TANC2: variants seen among roughly 807,000 people sequenced by gnomAD.
TANC2 encodes the protein protein TANC2.
In TANC2, 26 loss-of-function variants were observed where a neutral mutation model predicts 210.5. The observed-to-expected ratio is 0.12, with a 90% CI of 0.09 to 0.17. TANC2 has a LOEUF of 0.17. Among genes scored for constraint, TANC2 ranks in the 10% least tolerant of loss-of-function variants. TANC2 has a pLI of 1.00. For synonymous variants in TANC2, 931 were observed against 967.1 expected, an observed-to-expected ratio of 0.96 and a Z score of 0.69; for missense variants, 2,129 against 2,608.9, an observed-to-expected ratio of 0.82 and a Z score of 4.01.
At chr17:63,007,770 C>T (rs1568312516) in intron 1 of TANC2, among the ~76,000 whole-genome samples, 2 of 152,074 alleles carry the variant, frequency 1.3e-5, no homozygotes, top group Non-Finnish European at 1.5e-5. Flanking sequence ...TTTTAAAGAA[C>T]AGCCTATCAT....
intron 4 of TANC2, among the ~76,000 whole-genome samples, chr17:63,111,914 C>T (rs1040825120): frequency 1.3e-5 from 2 of 151,866 alleles, no homozygotes; most frequent in African/African-American, 2.4e-5. Flanking sequence ...TTAGTAGAGA[C>T]GGGGTTTCAC....
chr17:63,362,672 C>A (rs368295081), intron 14 of TANC2, among the ~76,000 whole-genome samples: 8 of 152,242 alleles, frequency 5.3e-5, no homozygotes, highest in African/African-American at 1.9e-4. Flanking sequence ...AACAGACATA[C>A]ACCTGGCCGG....
At chr17:63,115,753 C>T (rs2038225613) in intron 4 of TANC2, among the ~76,000 whole-genome samples, 1 of 151,998 alleles carries the variant, frequency 6.6e-6, no homozygotes, top group South Asian at 2.1e-4. Context: ...TAAGCCTTTG[C>T]TTTGTATTTA....
At chr17:62,997,448 T>TG (rs1257391538) in intron 1 of TANC2, among the ~76,000 whole-genome samples, 4 of 152,136 alleles carry the variant, frequency 2.6e-5, no homozygotes. Flanking sequence ...TGCTAGAAAA[T>TG]GGATAGCATT....
At chr17:63,224,841 A>G (rs2042288726) in intron 7 of TANC2, among the ~76,000 whole-genome samples, 2 of 152,182 alleles carry the variant, frequency 1.3e-5, no homozygotes, top group Admixed American at 1.3e-4. Flanking sequence ...CTCCACCACC[A>G]TGAATCTTCT....
At chr17:63,111,628 T>G (rs1387764626) in intron 4 of TANC2, among the ~76,000 whole-genome samples, 1 of 152,222 alleles carries the variant, frequency 6.6e-6, no homozygotes, top group Non-Finnish European at 1.5e-5. Flanking sequence ...TGTATATTTC[T>G]TTTTCAGGCA....
intron 9 of TANC2, among the ~76,000 whole-genome samples, chr17:63,294,122 C>T (rs2044464911): frequency 6.6e-6 from 1 of 152,144 alleles, no homozygotes. Flanking sequence ...CTGCCATAAG[C>T]CTAATTTACA....
At position 63,067,060 on chromosome 17, in the gene TANC2, AG is replaced by A. The variant is rs200800776; in HGVS notation, c.68-6882del. ...ACTGACCACTTCAGGGTACACAGGCAGTACAGATATCAATAGCAAAGGCTTT... is the reference window on the plus strand; with the variant it reads ...ACTGACCACTTCAGGGTACACAGGCATACAGATATCAATAGCAAAGGCTTT... On this transcript the variant is annotated intron_variant, in intron 2 of 27. Transcript: ENST00000689528. 2.9e-3 allele frequency among the ~76,000 whole-genome samples: 442 copies of A among 152,366 alleles called. 3 individuals are homozygous for A. Among genetic ancestry groups the A allele is most frequent in the African/African-American group, 9.6e-3 (399 of 41,586 alleles).
chr17:63,055,650 CTTTT>C (rs369794571), intron 2 of TANC2, among the ~76,000 whole-genome samples: 1 of 138,672 alleles, frequency 7.2e-6, no homozygotes. Flanking sequence ...AACATCTTCA[CTTTT>C]TTTTTTTTTT....
intron 5 of TANC2, among the ~76,000 whole-genome samples, chr17:63,175,632 TGAGAAA>T (rs2040554077): frequency 6.6e-6 from 1 of 150,674 alleles, no homozygotes; most frequent in Non-Finnish European, 1.5e-5. Context: ...GGATAGGACA[TGAGAAA>T]TGTGAGTCAT....
At chr17:62,967,531 C>CT (rs2031419815) in intron 1 of TANC2, 1 of 152,182 alleles carries the variant, frequency 6.6e-6, no homozygotes, top group Non-Finnish European at 1.5e-5. Context: ...TTTCGGGTGT[C>CT]TTTCACTCTC....
At chr17:63,360,205 A>ACTT (rs2046917229) in intron 14 of TANC2, among the ~76,000 whole-genome samples, 2 of 152,336 alleles carry the variant, frequency 1.3e-5, no homozygotes, top group East Asian at 3.9e-4. Context: ...TCTAAATATG[A>ACTT]GCCTCCAGGC....
rs115041570 is a variant in TANC2, at chr17:63,399,457, T to C, written c.3331+543T>C. Among the ~76,000 whole-genome samples the C allele has an allele frequency of 4.7e-3, 718 of 152,370 alleles. 5 individuals carry two copies. The highest frequency in any genetic ancestry group is 0.017 in the African/African-American group (697 of 41,582). On this transcript the variant is annotated intron_variant, in intron 19 of 27. Transcript: ENST00000689528. ...AATGCCCAGCCTCATGCAGTTCCTGTTGGTCTGTAGCAAATCAGTTTCTGT... is the reference window on the plus strand; with the variant it reads ...AATGCCCAGCCTCATGCAGTTCCTGCTGGTCTGTAGCAAATCAGTTTCTGT...
chr17:63,229,660 C>T (rs1206696504), intron 7 of TANC2, among the ~76,000 whole-genome samples: 1 of 151,128 alleles, frequency 6.6e-6, no homozygotes, highest in Admixed American at 6.6e-5. Flanking sequence ...TCAACATCTT[C>T]CTGGTTCAGT....
intron 9 of TANC2, among the ~76,000 whole-genome samples, chr17:63,290,652 C>T (rs903978326): frequency 6.6e-6 from 1 of 151,934 alleles, no homozygotes; most frequent in Non-Finnish European, 1.5e-5. Flanking sequence ...GTCTTAAAAC[C>T]TATTGTTTCA....
exon 6 of TANC2, chr17:63,193,994 A>T: frequency 1.2e-6 from 2 of 1,612,388 alleles, no homozygotes; most frequent in Non-Finnish European, 1.7e-6. Context: ...GTTACAGGTG[A>T]TGCTGAACAG....
At chr17:63,355,933 G>A (rs2046768814) in intron 14 of TANC2, among the ~76,000 whole-genome samples, 1 of 152,130 alleles carries the variant, frequency 6.6e-6, no homozygotes, top group African/African-American at 2.4e-5. Flanking sequence ...TATCCATGCT[G>A]CCTTTAGATA....
chr17:63,254,601 A>T (rs1348435574), intron 8 of TANC2, among the ~76,000 whole-genome samples: 1 of 152,168 alleles, frequency 6.6e-6, no homozygotes, highest in East Asian at 1.9e-4. Context: ...GTATGATACT[A>T]GCTATGAGTC....
At chr17:63,163,584 T>C (rs572678339) in intron 5 of TANC2, among the ~76,000 whole-genome samples, 178 of 152,328 alleles carry the variant, frequency 1.2e-3, no homozygotes, top group Non-Finnish European at 1.1e-3. Context: ...ATCTCTAATC[T>C]TTACCACTAC....
Sources: gnomAD v4.1 joint callset for allele counts (sites outside exome capture counted in the v4.1 genomes callset) on GRCh38, gnomAD v4.1.1 for gene constraint, MANE v1.5 for transcripts, NCBI Gene and HGNC (gene_info 2026-07-23, HGNC 2026-07-21) for gene names.